The following B3GALT1 variants were observed in gnomAD, a reference collection of about 807,000 sequenced individuals.
B3GALT1 encodes beta-1,3-galactosyltransferase 1.
Under a neutral mutation model 23.2 loss-of-function variants are expected in B3GALT1, and 10 were observed. The observed-to-expected ratio is 0.43, with a 90% CI of 0.27 to 0.73. The LOEUF (loss-of-function observed/expected upper bound fraction) is 0.73. B3GALT1 is among the 30% of genes least tolerant of loss of function. B3GALT1 has a pLI of 0.21. For synonymous variants in B3GALT1, 156 were observed against 141.5 expected (o/e 1.10, Z -0.73); for missense variants, 299 against 405.4 (o/e 0.74, Z 2.25).
intron 2 of B3GALT1, among the ~76,000 whole-genome samples, chr2:167,622,451 T>G (rs1355661036): frequency 6.6e-6 from 1 of 152,026 alleles, no homozygotes; most frequent in Non-Finnish European, 1.5e-5. Context: ...GGAAATATAT[T>G]AAAAATCTAG....
chr2:167,733,419 A>AT lies in B3GALT1; in HGVS notation c.-351-85241dup, dbSNP rs11326575. ...TTAAAACATTATGAGTTTTATTGAG[A>AT]TTTTTTTTTTTTAGCTCATCAGCTG... On this transcript the variant is annotated intron_variant, in intron 3 of 4. Transcript: ENST00000392690. 6.5e-4 allele frequency among the ~76,000 whole-genome samples: 96 copies of AT among 147,978 alleles called. 1 individual carries two copies. Among genetic ancestry groups the AT allele is most frequent in the East Asian group, 3.8e-3 (19 of 5,050 alleles).
intron 3 of B3GALT1, among the ~76,000 whole-genome samples, chr2:167,791,315 GT>G (rs944876902): frequency 3.9e-5 from 6 of 152,012 alleles, no homozygotes; most frequent in Non-Finnish European, 8.8e-5. Flanking sequence ...TACTTTCGCA[GT>G]TTTTATCACA....
chr2:167,599,889 T>C (rs1477778403), intron 2 of B3GALT1, among the ~76,000 whole-genome samples: 2 of 152,180 alleles, frequency 1.3e-5, no homozygotes, highest in Non-Finnish European at 2.9e-5. Context: ...CACTTGGTTG[T>C]TGACGATTAA....
rs558119790 is a variant in B3GALT1, at chr2:167,505,929, G to A, written c.-410+15652G>A. ...ACAAAAATTAGCTGGGCGTGGTGGC[G>A]GGCTCCTGTAGTCCCGGCTACTTGG... On this transcript the variant is annotated intron_variant, in intron 2 of 4. Transcript: ENST00000392690. Among the ~76,000 whole-genome samples, 48 of 151,922 alleles carry A rather than the reference G, an allele frequency of 3.2e-4. 1 individual carries two copies. Among genetic ancestry groups the A allele is most frequent in the African/African-American group, 7.5e-4 (31 of 41,410 alleles).
intron 3 of B3GALT1, among the ~76,000 whole-genome samples, chr2:167,694,728 A>T (rs73971227): frequency 0.069 from 10,488 of 151,708 alleles, 544 homozygotes; most frequent in East Asian, 0.16. Flanking sequence ...TGTTGGTGAA[A>T]GCAGGTGGCC....
At chr2:167,398,019 G>A (rs1287536138) in intron 1 of B3GALT1, among the ~76,000 whole-genome samples, 1 of 152,114 alleles carries the variant, frequency 6.6e-6, no homozygotes, top group Non-Finnish European at 1.5e-5. Flanking sequence ...AAGTGTTGTG[G>A]AGCAATTAAT....
At chr2:167,398,318 A>C (rs1451562557) in intron 1 of B3GALT1, among the ~76,000 whole-genome samples, 1 of 152,000 alleles carries the variant, frequency 6.6e-6, no homozygotes, top group Non-Finnish European at 1.5e-5. Flanking sequence ...ATGAGAAACA[A>C]TATTTGATTT....
Position 167,518,653 on chromosome 2 carries a change from C to A in B3GALT1, c.-410+28376C>A, listed in dbSNP as rs921869256. Among the ~76,000 whole-genome samples, 5 of 152,236 alleles carry A rather than the reference C, an allele frequency of 3.3e-5. No homozygotes were observed. In the South Asian group the frequency reaches 1.0e-3, roughly 32 times the overall value. Reference sequence around the variant, plus strand: ...CGAAAGATGGGCGTCTATTCAGATGCAAATCCAGAACCAAGTCTCGGGATG... The same window carrying A: ...CGAAAGATGGGCGTCTATTCAGATGAAAATCCAGAACCAAGTCTCGGGATG... On this transcript the variant is annotated intron_variant, in intron 2 of 4. Coordinates refer to ENST00000392690, the MANE Select transcript of B3GALT1 (RefSeq NM_020981.4).
At chr2:167,691,995 T>A (rs1324124982) in intron 3 of B3GALT1, among the ~76,000 whole-genome samples, 1 of 152,168 alleles carries the variant, frequency 6.6e-6, no homozygotes, top group Non-Finnish European at 1.5e-5. Flanking sequence ...AATATTCATG[T>A]ACGTATTAGT....
chr2:167,461,227 T>G (rs1699254714), intron 1 of B3GALT1, among the ~76,000 whole-genome samples: 1 of 152,246 alleles, frequency 6.6e-6, no homozygotes. Flanking sequence ...CAAGAACACA[T>G]GCATAGTTGC....
rs1363245676 is a variant in B3GALT1 at position 167,545,098 on chromosome 2, G to T, written c.-410+54821G>T. The stretch of plus-strand genomic sequence containing the variant: ...CGCCCAGGCTGGAGTGCAGTGGCAC[G>T]ATCTCTACTCACTGCAAGCTCTGCC... On this transcript the variant is annotated intron_variant, in intron 2 of 4. Transcript: ENST00000392690. 4.8e-5 allele frequency among the ~76,000 whole-genome samples: 6 copies of T among 126,256 alleles called. No homozygotes were observed. In the South Asian group the frequency reaches 1.6e-3, roughly 34 times the overall value. 82.8% of individuals were successfully genotyped at this position (126,256 alleles called of 152,430 possible). A position where few individuals can be genotyped will look rare whatever the true frequency, so the allele number is the denominator to read the frequency against.
chr2:167,303,473 A>G (rs1696487926), intron 1 of B3GALT1, among the ~76,000 whole-genome samples: 1 of 152,118 alleles, frequency 6.6e-6, no homozygotes, highest in Admixed American at 6.6e-5. Context: ...GTCTGGGAGA[A>G]TACCTCTGGA....
intron 4 of B3GALT1, among the ~76,000 whole-genome samples, chr2:167,839,281 A>G (rs1193632044): frequency 4.0e-5 from 6 of 151,572 alleles, no homozygotes; most frequent in African/African-American, 1.5e-4. Context: ...AGAAAACCCC[A>G]TTGTCTCAGC....
At chr2:167,573,983 TG>T (rs1163456704) in intron 2 of B3GALT1, among the ~76,000 whole-genome samples, 1 of 151,682 alleles carries the variant, frequency 6.6e-6, no homozygotes, top group Admixed American at 6.6e-5. Context: ...AGTAACAATA[TG>T]GGATCCAATG....
chr2:167,748,264 G>A (rs1687682015), intron 3 of B3GALT1, among the ~76,000 whole-genome samples: 1 of 151,828 alleles, frequency 6.6e-6, no homozygotes, highest in African/African-American at 2.4e-5. Flanking sequence ...ATTGGCAGTT[G>A]GGGGTGACAG....
chr2:167,487,896 T>G (rs947455445), intron 1 of B3GALT1, among the ~76,000 whole-genome samples: 3 of 152,126 alleles, frequency 2.0e-5, no homozygotes, highest in African/African-American at 4.8e-5. Context: ...AAATCCCCCA[T>G]TGGCAGCAGA....
intron 1 of B3GALT1, among the ~76,000 whole-genome samples, chr2:167,486,264 CAGG>C (rs1699625354): frequency 6.7e-6 from 1 of 148,368 alleles, no homozygotes; most frequent in Non-Finnish European, 1.5e-5. Flanking sequence ...GAGGCTGAGG[CAGG>C]AGAATTGCTG....
intron 1 of B3GALT1, among the ~76,000 whole-genome samples, chr2:167,421,030 A>G (rs1026143041): frequency 1.3e-5 from 2 of 152,246 alleles, no homozygotes; most frequent in Admixed American, 6.5e-5. Flanking sequence ...GTCATTCACT[A>G]TTTACTGAGT....
chr2:167,681,596 A>T (rs1686532120), intron 3 of B3GALT1, among the ~76,000 whole-genome samples: 1 of 152,220 alleles, frequency 6.6e-6, no homozygotes, highest in Non-Finnish European at 1.5e-5. Flanking sequence ...TCAGTGGTTG[A>T]TTTACATATC....
Sources: gnomAD v4.1 joint callset for allele counts (sites outside exome capture counted in the v4.1 genomes callset) on GRCh38, gnomAD v4.1.1 for gene constraint, MANE v1.5 for transcripts, NCBI Gene and HGNC (gene_info 2026-07-23, HGNC 2026-07-21) for gene names.